PCSK6: variants seen among roughly 807,000 people sequenced by gnomAD.
PCSK6 encodes the protein paired basic amino acid cleaving enzyme 4.
In PCSK6, 85 loss-of-function variants were observed where a neutral mutation model predicts 123.3. The ratio of observed to expected loss-of-function variants is 0.69; its 90% confidence interval spans 0.58 to 0.83. PCSK6 has a LOEUF of 0.83. Ranked by LOEUF, PCSK6 falls within the 40% of genes least tolerant of loss-of-function variation. The pLI, the probability that PCSK6 is intolerant of heterozygous loss-of-function variation, is 0.00. For synonymous variants in PCSK6, 508 were observed against 516.0 expected (o/e 0.98, Z 0.21); for missense variants, 1,191 against 1,282.3 (o/e 0.93, Z 1.09).
chr15:101,378,838 C>T (rs947494194), intron 11 of PCSK6, among the ~76,000 whole-genome samples: 2 of 152,258 alleles, frequency 1.3e-5, no homozygotes, highest in Non-Finnish European at 2.9e-5. Context: ...CTTGGCTAGT[C>T]CTTTTCACAC....
intron 19 of PCSK6, among the ~76,000 whole-genome samples, chr15:101,314,269 G>A (rs2039936826): frequency 6.6e-6 from 1 of 152,218 alleles, no homozygotes; most frequent in African/African-American, 2.4e-5. Context: ...GTCCGAGGAG[G>A]ACCTGTCGAC....
chr15:101,333,782 C>T (rs2040416726), intron 13 of PCSK6, among the ~76,000 whole-genome samples: 2 of 149,576 alleles, frequency 1.3e-5, no homozygotes, highest in Admixed American at 1.3e-4. Flanking sequence ...CTGTAATCCA[C>T]ACCATCCTGG....
intron 13 of PCSK6, among the ~76,000 whole-genome samples, chr15:101,364,153 A>T (rs1596236893): frequency 1.3e-5 from 2 of 152,128 alleles, no homozygotes; most frequent in African/African-American, 4.8e-5. Context: ...GAAAAGAACC[A>T]GGGCAGGGGA....
At chr15:101,349,936 G>A (rs1214155724) in intron 13 of PCSK6, among the ~76,000 whole-genome samples, 1 of 151,554 alleles carries the variant, frequency 6.6e-6, no homozygotes, top group Non-Finnish European at 1.5e-5. Context: ...TTTCTGAGAC[G>A]GAGTCTCTGT....
chr15:101,431,460 A>G lies in PCSK6; in HGVS notation c.517T>C (p.Cys173Arg). Residue 173 changes from cysteine (C) to arginine (R), a missense_variant, in exon 4 of 22, where the codon TGT (cysteine) becomes CGT (arginine). Cys to Arg is a radical substitution (Grantham distance 180). This residue lies in a region of PCSK6 where 357 missense variants were observed against 484.5 expected (regional missense o/e 0.74). Coordinates refer to ENST00000611716, the MANE Select transcript of PCSK6 (RefSeq NM_002570.5). ...CGGCAGCGACTGTTCTTGTCGCCAC[A>G]ATGCTGTAAGCACGAAAGACACAAA... ...PIWSNMWYLH[C>R]GDKNSRCRSE... 6.2e-7 allele frequency: 1 copy of G among 1,613,670 alleles called. No homozygotes were observed. The highest frequency in any genetic ancestry group is 8.5e-7 in the Non-Finnish European group (1 of 1,179,816).
intron 13 of PCSK6, among the ~76,000 whole-genome samples, chr15:101,345,348 A>G (rs557172966): frequency 6.6e-6 from 1 of 152,356 alleles, no homozygotes. Flanking sequence ...CAACTTAGAA[A>G]AAGTTTTATA....
At chr15:101,390,205 C>T (rs1567183960) in intron 8 of PCSK6, among the ~76,000 whole-genome samples, 1 of 152,278 alleles carries the variant, frequency 6.6e-6, no homozygotes, top group Admixed American at 6.5e-5. Flanking sequence ...TGCCTGCCCT[C>T]CTCGGAGGCA....
intron 6 of PCSK6, among the ~76,000 whole-genome samples, chr15:101,417,679 C>T (rs909619145): frequency 1.3e-4 from 20 of 151,800 alleles, no homozygotes; most frequent in Admixed American, 1.0e-3. Context: ...CACATAAAAT[C>T]CTGAAAATAA....
intron 15 of PCSK6, among the ~76,000 whole-genome samples, chr15:101,327,882 C>T (rs975297707): frequency 6.6e-6 from 1 of 152,146 alleles, no homozygotes; most frequent in Non-Finnish European, 1.5e-5. Flanking sequence ...TGTGTATCCA[C>T]GAGGACACTC....
intron 2 of PCSK6, among the ~76,000 whole-genome samples, chr15:101,436,641 CT>C (rs2056610246): frequency 6.6e-6 from 1 of 152,150 alleles, no homozygotes; most frequent in Admixed American, 6.5e-5. Context: ...GAAAATAAGC[CT>C]GTTATTCTCT....
chr15:101,382,268 G>T, intron 10 of PCSK6, 59 bp from the exon 11 acceptor site: 3 of 1,322,140 alleles, frequency 2.3e-6, no homozygotes, highest in Non-Finnish European at 3.2e-6. Context: ...AGGGAGCAAG[G>T]CTGGCTCTTG....
At chr15:101,349,254 AC>A (rs2040829023) in intron 13 of PCSK6, among the ~76,000 whole-genome samples, 1 of 152,214 alleles carries the variant, frequency 6.6e-6, no homozygotes, top group Admixed American at 6.5e-5. Flanking sequence ...CAGTTTCAAC[AC>A]AAAGCTTTTG....
chr15:101,384,784 CCT>C (rs2042012329), intron 9 of PCSK6, among the ~76,000 whole-genome samples: 1 of 152,174 alleles, frequency 6.6e-6, no homozygotes, highest in East Asian at 1.9e-4. Context: ...TATTCTTCAT[CCT>C]AAGCAAATAC....
At chr15:101,382,766 G>A (rs933265120) in intron 10 of PCSK6, among the ~76,000 whole-genome samples, 5 of 152,158 alleles carry the variant, frequency 3.3e-5, no homozygotes, top group Non-Finnish European at 7.3e-5. Flanking sequence ...GCCAGGGCAG[G>A]AGACTTTCAA....
chr15:101,398,824 TG>T lies in PCSK6; in HGVS notation c.824-249del, dbSNP rs2042499809. 6.6e-6 allele frequency among the ~76,000 whole-genome samples: 1 copy of T among 152,236 alleles called. No homozygotes were observed. The highest frequency in any genetic ancestry group is 6.5e-5 in the Admixed American group (1 of 15,288). On this transcript the variant is annotated intron_variant, in intron 6 of 21. Coordinates refer to ENST00000611716, the MANE Select transcript of PCSK6 (RefSeq NM_002570.5). This position sits in a 1 kb window ranked among gnomAD's most constrained non-coding sequence, Gnocchi z 4.6. ...GAGGGTTCAGCTTCCCTCAGTGCTATGATGTCCTGCTGGTATCTAAAAATGC... is the reference window on the plus strand; with the variant it reads ...GAGGGTTCAGCTTCCCTCAGTGCTATATGTCCTGCTGGTATCTAAAAATGC...
chr15:101,323,058 G>A (rs528816814), intron 17 of PCSK6, among the ~76,000 whole-genome samples: 4 of 152,352 alleles, frequency 2.6e-5, no homozygotes, highest in South Asian at 2.1e-4. Flanking sequence ...AACCTACGGC[G>A]AGTCATCGTG....
intron 1 of PCSK6, chr15:101,463,011 G>C (rs1335004759): frequency 6.5e-6 from 3 of 459,668 alleles, no homozygotes; most frequent in Admixed American, 2.3e-5. Flanking sequence ...CGTGTTGGGA[G>C]AGTTGTCTCT....
At chr15:101,390,219 G>C (rs2042186503) in intron 8 of PCSK6, among the ~76,000 whole-genome samples, 2 of 152,294 alleles carry the variant, frequency 1.3e-5, no homozygotes, top group Admixed American at 1.3e-4. Context: ...GGAGGCACTG[G>C]CCCAGGCTGG....
intron 1 of PCSK6, among the ~76,000 whole-genome samples, chr15:101,467,118 A>T (rs767028008): frequency 2.0e-5 from 3 of 152,184 alleles, no homozygotes; most frequent in Non-Finnish European, 4.4e-5. Flanking sequence ...AAAAATTCAT[A>T]AACTGGGAAA....
Sources: gnomAD v4.1 joint callset for allele counts (sites outside exome capture counted in the v4.1 genomes callset) on GRCh38, gnomAD v4.1.1 for gene constraint, gnomAD v4.1.1 regional missense constraint, Gnocchi (gnomAD v3.1) non-coding constraint, MANE v1.5 for transcripts, NCBI Gene and HGNC (gene_info 2026-07-23, HGNC 2026-07-21) for gene names.